Variants in IL1RAPL2 observed in about 807,000 individuals in gnomAD.
IL1RAPL2 encodes X-linked interleukin-1 receptor accessory protein-like 2.
Under a neutral mutation model 44.1 loss-of-function variants are expected in IL1RAPL2, and 3 were observed. That is an observed-to-expected ratio of 0.07 (90% CI 0.03 to 0.18). The LOEUF is 0.18. Ranked by LOEUF, IL1RAPL2 falls within the 10% of genes least tolerant of loss-of-function variation. IL1RAPL2 has a pLI of 1.00. For synonymous variants in IL1RAPL2, 181 were observed against 178.8 expected (o/e 1.01, Z -0.10); for missense variants, 391 against 496.4 (o/e 0.79, Z 2.02).
chrX:105,393,000 A>T (rs2147731237), intron 5 of IL1RAPL2, among the ~76,000 whole-genome samples: 1 of 112,828 alleles, frequency 8.9e-6, no homozygotes, highest in Admixed American at 9.4e-5. Flanking sequence ...GTAATCAACC[A>T]ATGAGTTCTT....
intron 2 of IL1RAPL2, among the ~76,000 whole-genome samples, chrX:104,680,305 A>G (rs1280492223): frequency 8.9e-6 from 1 of 111,913 alleles, no homozygotes; most frequent in Admixed American, 9.5e-5. Context: ...ATCCCTGGAC[A>G]AGGCTTAAAT....
intron 2 of IL1RAPL2, among the ~76,000 whole-genome samples, chrX:104,867,236 C>CAAA (rs35810207): frequency 4.6e-4 from 20 of 43,772 alleles, no homozygotes; most frequent in Non-Finnish European, 6.0e-4. Context: ...GTCTCTGTCT[C>CAAA]AAAAAAAAAA....
chrX:104,765,933 G>T (rs1932544884), intron 2 of IL1RAPL2, among the ~76,000 whole-genome samples: 1 of 112,281 alleles, frequency 8.9e-6, no homozygotes, highest in Non-Finnish European at 1.9e-5. Flanking sequence ...TCATCTTGAT[G>T]AATTATTTCA....
chrX:105,182,141 T>C (rs889978353), intron 2 of IL1RAPL2, among the ~76,000 whole-genome samples: 1 of 111,220 alleles, frequency 9.0e-6, no homozygotes, highest in Admixed American at 9.5e-5. Flanking sequence ...TAAATGTTTG[T>C]TAGATCCATT....
intron 6 of IL1RAPL2, among the ~76,000 whole-genome samples, chrX:105,569,133 C>T (rs2036996469): frequency 8.9e-6 from 1 of 111,796 alleles, no homozygotes; most frequent in Admixed American, 9.5e-5. Context: ...AAAGAAACAG[C>T]CATGCCCATA....
chrX:104,982,392 A>G lies in IL1RAPL2; in HGVS notation c.83-213083A>G, dbSNP rs2030458464. Reference sequence around the variant, plus strand: ...TTTTAAGGCACCCATACCCTGTGCTACAGTGATTTATGAGCATTTTTACTT... The same window carrying G: ...TTTTAAGGCACCCATACCCTGTGCTGCAGTGATTTATGAGCATTTTTACTT... On this transcript the variant is annotated intron_variant, in intron 2 of 10. Coordinates refer to ENST00000372582, the MANE Select transcript of IL1RAPL2 (RefSeq NM_017416.2). 2.7e-5 allele frequency among the ~76,000 whole-genome samples: 3 copies of G among 111,257 alleles called. No individual in the cohort carries two copies. In the South Asian group the frequency reaches 1.1e-3, roughly 42 times the overall value.
At chrX:105,487,558 TAAAC>T (rs1361342605) in intron 6 of IL1RAPL2, among the ~76,000 whole-genome samples, 1 of 112,231 alleles carries the variant, frequency 8.9e-6, no homozygotes, top group Non-Finnish European at 1.9e-5. Context: ...TCTGAGATGT[TAAAC>T]AACCATATAA....
chrX:105,155,076 G>C (rs963299202), intron 2 of IL1RAPL2, among the ~76,000 whole-genome samples: 3 of 110,857 alleles, frequency 2.7e-5, no homozygotes, highest in African/African-American at 9.8e-5. Context: ...TATTCCCAGG[G>C]CCTGAATATT....
intron 2 of IL1RAPL2, among the ~76,000 whole-genome samples, chrX:104,891,012 CA>C (rs1923419718): frequency 8.9e-6 from 1 of 112,059 alleles, no homozygotes; most frequent in African/African-American, 3.2e-5. Flanking sequence ...CAGCTTTCTA[CA>C]TATGGCTAAC....
chrX:104,795,495 G>A (rs955628306), intron 2 of IL1RAPL2, among the ~76,000 whole-genome samples: 6 of 106,423 alleles, frequency 5.6e-5, no homozygotes, highest in African/African-American at 2.1e-4. Context: ...CTATTTTTAT[G>A]TGTCTTTTTT....
At position 104,810,158 on chromosome X, in the gene IL1RAPL2, A is replaced by G. The variant is rs1189732776; in HGVS notation, c.82+151163A>G. Among the ~76,000 whole-genome samples the G allele has an allele frequency of 4.6e-5, 5 of 109,831 alleles. No individual in the cohort carries two copies. The East Asian group carries it at 8.6e-4, about 19-fold the overall frequency. On this transcript the variant is annotated intron_variant, in intron 2 of 10. Transcript: ENST00000372582. ...AAATCATCATTCTCAGTAAACTATC[A>G]CAAGAACAAAAAACCAAACACCGCA...
At chrX:104,721,317 G>T (rs1931670792) in intron 2 of IL1RAPL2, among the ~76,000 whole-genome samples, 1 of 111,347 alleles carries the variant, frequency 9.0e-6, no homozygotes, top group South Asian at 3.8e-4. Context: ...AAGAAGGCAT[G>T]GTGCATATAC....
intron 2 of IL1RAPL2, among the ~76,000 whole-genome samples, chrX:105,043,144 G>T (rs1410867391): frequency 5.6e-5 from 6 of 107,456 alleles, no homozygotes; most frequent in Non-Finnish European, 1.2e-4. Context: ...CGAGTTAGTG[G>T]GTTCAGCGCA....
At chrX:104,602,092 A>G (rs1928894880) in intron 1 of IL1RAPL2, among the ~76,000 whole-genome samples, 1 of 111,841 alleles carries the variant, frequency 8.9e-6, no homozygotes, top group Admixed American at 9.4e-5. Flanking sequence ...AGTGAGATTG[A>G]CACAGAGACG....
Position 105,570,739 on chromosome X carries a change from G to A in IL1RAPL2, c.772+86352G>A, listed in dbSNP as rs912286889. ...CTACCTCCCACTTTTAAGCAGGTTA[G>A]CACTTTCTATTCCCCCTTTATACAT... On this transcript the variant is annotated intron_variant, in intron 6 of 10. Transcript: ENST00000372582. Among the ~76,000 whole-genome samples, 2 of 112,125 alleles carry A rather than the reference G, an allele frequency of 1.8e-5. 1 individual carries two copies. The highest frequency in any genetic ancestry group is 7.4e-4 in the South Asian group (2 of 2,716).
At chrX:105,021,134 T>C (rs1307412416) in intron 2 of IL1RAPL2, among the ~76,000 whole-genome samples, 1 of 111,500 alleles carries the variant, frequency 9.0e-6, no homozygotes, top group African/African-American at 3.3e-5. Flanking sequence ...CAGAAATCCC[T>C]TGAGATGTAC....
At chrX:105,417,576 A>C (rs1312977421) in intron 5 of IL1RAPL2, among the ~76,000 whole-genome samples, 1 of 113,027 alleles carries the variant, frequency 8.8e-6, no homozygotes, top group Admixed American at 9.3e-5. Flanking sequence ...ATTTGTTTTT[A>C]CATTTTTCTC....
intron 2 of IL1RAPL2, among the ~76,000 whole-genome samples, chrX:104,950,628 G>A (rs778696435): frequency 6.2e-5 from 7 of 112,760 alleles, no homozygotes; most frequent in Non-Finnish European, 1.1e-4. Context: ...GCGATACTCC[G>A]TGGGCGTAGG....
chrX:105,010,213 G>C (rs1284465435), intron 2 of IL1RAPL2, among the ~76,000 whole-genome samples: 3 of 111,028 alleles, frequency 2.7e-5, no homozygotes, highest in African/African-American at 9.8e-5. Flanking sequence ...ATCTGACATA[G>C]TGCAAATAGA....
Sources: allele counts gnomAD v4.1 joint callset (sites outside exome capture counted in the v4.1 genomes callset), GRCh38; gene constraint gnomAD v4.1.1; transcripts MANE v1.5; gene names NCBI Gene and HGNC (gene_info 2026-07-23, HGNC 2026-07-21).